PLXNA4: variants seen among roughly 807,000 people sequenced by gnomAD.
The protein encoded by PLXNA4 is plexin A4, also known as plexin-A4.
PLXNA4 carries 44 observed loss-of-function variants against 191.8 expected under a neutral mutation model. The observed-to-expected ratio is 0.23, with a 90% CI of 0.18 to 0.29. The LOEUF (loss-of-function observed/expected upper bound fraction) is 0.29, where lower values mean the gene tolerates loss of function less well. PLXNA4 is among the 10% of genes least tolerant of loss of function. The pLI is 1.00. For missense variants in PLXNA4, 1,800 were observed against 2,488.8 expected (o/e 0.72, Z 5.89); for synonymous variants, 1,082 against 1,009.5 (o/e 1.07, Z -1.36).
At chr7:132,337,006 A>G (rs1463837653) in intron 3 of PLXNA4, among the ~76,000 whole-genome samples, 1 of 152,366 alleles carries the variant, frequency 6.6e-6, no homozygotes, top group Middle Eastern at 3.4e-3. Flanking sequence ...CTTGGAGCCA[A>G]CAAAAGCTGC....
At position 132,576,055 on chromosome 7, in the gene PLXNA4, G is replaced by A. The variant is rs954199479; in HGVS notation, c.-87+367C>T. ...TTTTAAAGCCCAGCTAGGGACGAAA[G>A]GGGCTGGGAGCTGAAAAATTGCTCC... On this transcript the variant is annotated intron_variant, in intron 1 of 31. Coordinates refer to ENST00000321063, the MANE Select transcript of PLXNA4 (RefSeq NM_020911.2). This position sits in a 1 kb window ranked among gnomAD's most constrained non-coding sequence, Gnocchi z 5.8. Among the ~76,000 whole-genome samples, 16 of 152,322 alleles carry A rather than the reference G, an allele frequency of 1.1e-4. No individual in the cohort carries two copies. Among genetic ancestry groups the A allele is most frequent in the African/African-American group, 3.6e-4 (15 of 41,582 alleles).
At chr7:132,562,772 T>C (rs1449688262) in intron 1 of PLXNA4, among the ~76,000 whole-genome samples, 37 of 71,000 alleles carry the variant, frequency 5.2e-4, no homozygotes, top group Non-Finnish European at 5.9e-4. Context: ...CCTTCTCCTT[T>C]TCCTCCCCCT....
At chr7:132,568,581 C>A (rs912523056) in intron 1 of PLXNA4, among the ~76,000 whole-genome samples, 1 of 152,204 alleles carries the variant, frequency 6.6e-6, no homozygotes, top group South Asian at 2.1e-4. Flanking sequence ...CACGCCACCC[C>A]ACCCCAATTC....
rs537360655 is a variant in PLXNA4 at position 132,388,151 on chromosome 7, C to T, written c.1372-89929G>A. ...GGAATATGTACAGATTCATAAGAGA[C>T]TTCTATCTCAGGGTGCAGGTGGGGT... On this transcript the variant is annotated intron_variant, in intron 3 of 31. Transcript: ENST00000321063. Among the ~76,000 whole-genome samples, 2 of 152,272 alleles carry T rather than the reference C, an allele frequency of 1.3e-5. 1 individual carries two copies. Among genetic ancestry groups the T allele is most frequent in the East Asian group, 3.9e-4 (2 of 5,180 alleles).
intron 3 of PLXNA4, among the ~76,000 whole-genome samples, chr7:132,371,720 T>A (rs1028281788): frequency 6.6e-6 from 1 of 152,156 alleles, no homozygotes; most frequent in Non-Finnish European, 1.5e-5. Flanking sequence ...AGAGAAGGCA[T>A]CAAGGACAGT....
At chr7:132,147,803 CCT>C in intron 27 of PLXNA4, 95 bp downstream of exon 27, 1 of 1,517,402 alleles carries the variant, frequency 6.6e-7, no homozygotes, top group Non-Finnish European at 9.0e-7. Flanking sequence ...CCCCATCTCC[CCT>C]CTCCAAGAGT....
At chr7:132,416,918 T>C (rs1794680825) in intron 3 of PLXNA4, among the ~76,000 whole-genome samples, 1 of 152,130 alleles carries the variant, frequency 6.6e-6, no homozygotes, top group Non-Finnish European at 1.5e-5. Context: ...TCACAGTTGC[T>C]TCTCTACAAG....
At chr7:132,214,283 T>A (rs1292688479) in intron 9 of PLXNA4, among the ~76,000 whole-genome samples, 1 of 152,154 alleles carries the variant, frequency 6.6e-6, no homozygotes, top group Non-Finnish European at 1.5e-5. Context: ...CCACGTCCCC[T>A]GTAAGATTCT....
chr7:132,293,914 C>T (rs1800982502), intron 4 of PLXNA4, among the ~76,000 whole-genome samples: 1 of 152,124 alleles, frequency 6.6e-6, no homozygotes, highest in Admixed American at 6.5e-5. Flanking sequence ...TCTCTTGAGC[C>T]CAGATCCATT....
intron 4 of PLXNA4, among the ~76,000 whole-genome samples, chr7:132,277,372 A>G (rs1209620500): frequency 6.6e-6 from 1 of 152,194 alleles, no homozygotes; most frequent in African/African-American, 2.4e-5. Context: ...GGGTAGCTGC[A>G]CAGTACCAAC....
At chr7:132,265,220 G>T (rs1799804276) in intron 4 of PLXNA4, among the ~76,000 whole-genome samples, 1 of 152,128 alleles carries the variant, frequency 6.6e-6, no homozygotes, top group South Asian at 2.1e-4. Flanking sequence ...GTGCTTTGGG[G>T]TCAGCTGGGT....
At chr7:132,186,960 T>C (rs1796899014) in intron 15 of PLXNA4, among the ~76,000 whole-genome samples, 1 of 152,170 alleles carries the variant, frequency 6.6e-6, no homozygotes, top group Non-Finnish European at 1.5e-5. Context: ...CAATTGCTCC[T>C]ATGGATAACA....
rs575882253 is a variant in PLXNA4, at chr7:132,507,103, G to A, written c.1188+403C>T. Among the ~76,000 whole-genome samples, 9 of 152,248 alleles carry A rather than the reference G, an allele frequency of 5.9e-5. No individual in the cohort carries two copies. The South Asian group carries it at 1.2e-3, about 21-fold the overall frequency. On this transcript the variant is annotated intron_variant, in intron 2 of 31. Coordinates refer to ENST00000321063, the MANE Select transcript of PLXNA4 (RefSeq NM_020911.2). Reference sequence around the variant, plus strand: ...GTTTTTATTCTAAGCTCCCAGGAAAGTTATTTGCAGGCTTGGTGAGTACAA... The same window carrying A: ...GTTTTTATTCTAAGCTCCCAGGAAAATTATTTGCAGGCTTGGTGAGTACAA...
At chr7:132,475,532 CT>C (rs1350406971) in intron 3 of PLXNA4, among the ~76,000 whole-genome samples, 2 of 152,162 alleles carry the variant, frequency 1.3e-5, no homozygotes, top group Admixed American at 6.5e-5. Flanking sequence ...CCTTCTGCCC[CT>C]GCCCCCGCAC....
chr7:132,156,135 T>TATACAC (rs1554374051), intron 25 of PLXNA4, among the ~76,000 whole-genome samples: 1 of 133,006 alleles, frequency 7.5e-6, no homozygotes, highest in Non-Finnish European at 1.6e-5. Context: ...TTTCTGGACA[T>TATACAC]ACACACACAC....
At chr7:132,295,166 G>A (rs6963872) in intron 4 of PLXNA4, among the ~76,000 whole-genome samples, 99,354 of 152,006 alleles carry the variant, frequency 0.65, 34,439 homozygotes, top group African/African-American at 0.88. Context: ...GGTTCAATGA[G>A]GGCACTGGGG....
At chr7:132,396,468 C>A (rs866647462) in intron 3 of PLXNA4, among the ~76,000 whole-genome samples, 1 of 152,056 alleles carries the variant, frequency 6.6e-6, no homozygotes, top group Non-Finnish European at 1.5e-5. Context: ...AGTGGCAGGG[C>A]TGGACTTGGG....
intron 4 of PLXNA4, among the ~76,000 whole-genome samples, chr7:132,259,625 A>G (rs1799564665): frequency 1.3e-5 from 2 of 152,076 alleles, no homozygotes; most frequent in Non-Finnish European, 2.9e-5. Context: ...TGGTTCTTCT[A>G]TAGTGAGGGG....
chr7:132,174,777 C>T lies in PLXNA4; in HGVS notation c.4017+1G>A. The T allele has an allele frequency of 6.2e-7, 1 of 1,613,902 alleles. No homozygotes were observed. Among genetic ancestry groups the T allele is most frequent in the Non-Finnish European group, 8.5e-7 (1 of 1,179,754 alleles). On this transcript the variant is annotated splice_donor_variant, in intron 21 of 31. Coordinates refer to ENST00000321063, the MANE Select transcript of PLXNA4 (RefSeq NM_020911.2). LOFTEE classifies it high-confidence loss of function. ...TGCCAGGATGGAGCACTGCTTCTCA[C>T]CTCAAGGTCCCGGAGGACAGGGTGG...
Sources: gnomAD v4.1 joint callset for allele counts (sites outside exome capture counted in the v4.1 genomes callset) on GRCh38, gnomAD v4.1.1 for gene constraint, Gnocchi (gnomAD v3.1) non-coding constraint, MANE v1.5 for transcripts, NCBI Gene and HGNC (gene_info 2026-07-23, HGNC 2026-07-21) for gene names.